Variants in KCNH7 observed in about 807,000 individuals in gnomAD.
The protein encoded by KCNH7 is voltage-gated inwardly rectifying potassium channel KCNH7.
In KCNH7, 49 loss-of-function variants were observed where a neutral mutation model predicts 120.8. The ratio of observed to expected loss-of-function variants is 0.41; its 90% CI spans 0.32 to 0.51. The LOEUF (loss-of-function observed/expected upper bound fraction) is 0.51. Among genes scored for constraint, KCNH7 ranks in the 20% least tolerant of loss-of-function variants. The probability of loss-of-function intolerance (pLI) is 0.38; values close to 1 mark genes in which losing one functional copy is unlikely to be tolerated. For synonymous variants in KCNH7, 547 were observed against 516.1 expected (o/e 1.06, Z -0.81); for missense variants, 1,097 against 1,446.6 (o/e 0.76, Z 3.92).
At chr2:162,726,186 A>C (rs1017280193) in intron 2 of KCNH7, among the ~76,000 whole-genome samples, 1 of 151,844 alleles carries the variant, frequency 6.6e-6, no homozygotes, top group Non-Finnish European at 1.5e-5. Context: ...CTTTCTTTTT[A>C]TATATTTTAA....
At chr2:162,413,950 C>T (rs572524395) in intron 9 of KCNH7, among the ~76,000 whole-genome samples, 1 of 151,556 alleles carries the variant, frequency 6.6e-6, no homozygotes, top group Non-Finnish European at 1.5e-5. Flanking sequence ...GCAAAAAATG[C>T]TACGAATGGG....
chr2:162,578,802 C>T (rs1280204028), intron 2 of KCNH7, among the ~76,000 whole-genome samples: 1 of 151,920 alleles, frequency 6.6e-6, no homozygotes, highest in Non-Finnish European at 1.5e-5. Flanking sequence ...GCATCCTTTG[C>T]TATCATTGGG....
chr2:162,466,357 G>A (rs1203990007), intron 6 of KCNH7, among the ~76,000 whole-genome samples: 4 of 152,178 alleles, frequency 2.6e-5, no homozygotes, highest in Non-Finnish European at 5.9e-5. Flanking sequence ...GGAAGCCTCA[G>A]AAAACTTACA....
At chr2:162,601,218 G>C (rs1694540416) in intron 2 of KCNH7, among the ~76,000 whole-genome samples, 1 of 151,898 alleles carries the variant, frequency 6.6e-6, no homozygotes, top group Admixed American at 6.6e-5. Context: ...CGGGTGGTCA[G>C]TGGTTTATAG....
chr2:162,803,166 T>A (rs1484072949), intron 2 of KCNH7, among the ~76,000 whole-genome samples: 2 of 151,802 alleles, frequency 1.3e-5, no homozygotes, highest in Admixed American at 1.3e-4. Flanking sequence ...CAAAATTATT[T>A]ACTCTAAACT....
Position 162,373,544 on chromosome 2 carries a change from T to G in KCNH7, c.3250A>C (p.Ile1084Leu). 1 of 1,591,614 alleles carries G rather than the reference T, an allele frequency of 6.3e-7. No individual in the cohort carries two copies. The highest frequency in any genetic ancestry group is 8.6e-7 in the Non-Finnish European group (1 of 1,169,032). ...TGACTGGTTCTCATCAGCTGGATGA[T>G]GGGTCTCTGATATTCTGATCCTGCT... ...VTAGSEYQRP[I>L]IQLMRTSQPE... The change falls in exon 15 of 16, where the codon ATC becomes CTC. Residue 1084 changes from isoleucine to leucine, a missense_variant. Ile to Leu is a conservative substitution (Grantham distance 5). Around this residue, in one of 8 missense-constraint regions of KCNH7, gnomAD observed 406 missense variants for 410.5 expected, o/e 0.99. Transcript: ENST00000332142.
intron 2 of KCNH7, among the ~76,000 whole-genome samples, chr2:162,558,465 T>C (rs963312255): frequency 1.4e-5 from 2 of 144,478 alleles, no homozygotes; most frequent in African/African-American, 2.5e-5. Context: ...TGAGCCACCG[T>C]GCCCGGCCAG....
chr2:162,457,143 C>A (rs1428686557), intron 6 of KCNH7, among the ~76,000 whole-genome samples: 1 of 151,966 alleles, frequency 6.6e-6, no homozygotes, highest in African/African-American at 2.4e-5. Context: ...GAAGCACTAA[C>A]AAAGTAAATG....
intron 2 of KCNH7, among the ~76,000 whole-genome samples, chr2:162,791,328 A>G (rs562888444): frequency 2.0e-5 from 3 of 152,086 alleles, no homozygotes; most frequent in Admixed American, 6.6e-5. Context: ...AAGAATGTCA[A>G]TGGTAGTTTA....
intron 2 of KCNH7, among the ~76,000 whole-genome samples, chr2:162,774,850 T>C (rs1683177519): frequency 6.6e-6 from 1 of 152,168 alleles, no homozygotes; most frequent in African/African-American, 2.4e-5. Context: ...AATAATTTTA[T>C]AGGCATCACT....
intron 2 of KCNH7, among the ~76,000 whole-genome samples, chr2:162,819,559 C>T (rs1192958858): frequency 6.6e-6 from 1 of 152,130 alleles, no homozygotes; most frequent in Non-Finnish European, 1.5e-5. Context: ...TAAAATGATA[C>T]TAGTAAATTT....
intron 2 of KCNH7, among the ~76,000 whole-genome samples, chr2:162,825,384 T>C (rs1480119414): frequency 6.6e-6 from 1 of 152,024 alleles, no homozygotes; most frequent in East Asian, 1.9e-4. Flanking sequence ...AAAAATTGAA[T>C]TGGATCACAT....
At chr2:162,542,655 G>A (rs945595714) in intron 2 of KCNH7, among the ~76,000 whole-genome samples, 6 of 151,896 alleles carry the variant, frequency 4.0e-5, no homozygotes, top group Non-Finnish European at 7.4e-5. Flanking sequence ...TGTCATTGTT[G>A]GACATTTGGG....
At chr2:162,509,788 GGA>G (rs1691004752) in intron 5 of KCNH7, among the ~76,000 whole-genome samples, 1 of 151,516 alleles carries the variant, frequency 6.6e-6, no homozygotes, top group African/African-American at 2.4e-5. Flanking sequence ...AGGCTAGAGA[GGA>G]GATAAAAGCT....
intron 2 of KCNH7, among the ~76,000 whole-genome samples, chr2:162,735,856 A>T (rs1409441676): frequency 6.6e-6 from 1 of 152,218 alleles, no homozygotes; most frequent in Non-Finnish European, 1.5e-5. Flanking sequence ...GGGCAAGAAC[A>T]GCCCGTCAAG....
At chr2:162,577,806 A>T (rs1010542717) in intron 2 of KCNH7, among the ~76,000 whole-genome samples, 13 of 152,088 alleles carry the variant, frequency 8.5e-5, no homozygotes, top group Admixed American at 5.9e-4. Context: ...CACTAAGCAC[A>T]GTTTTATTTA....
At chr2:162,390,755 T>C (rs1686721140) in intron 12 of KCNH7, among the ~76,000 whole-genome samples, 1 of 151,530 alleles carries the variant, frequency 6.6e-6, no homozygotes, top group African/African-American at 2.4e-5. Flanking sequence ...AATTTCTACC[T>C]GCACTTACAA....
chr2:162,440,640 G>T (rs1223597414), intron 7 of KCNH7, among the ~76,000 whole-genome samples: 4 of 152,014 alleles, frequency 2.6e-5, no homozygotes, highest in Non-Finnish European at 4.4e-5. Flanking sequence ...TACCTAGATT[G>T]TAATTTATTT....
At chr2:162,539,105 A>G (rs183657685) in intron 2 of KCNH7, among the ~76,000 whole-genome samples, 2 of 152,120 alleles carry the variant, frequency 1.3e-5, no homozygotes, top group East Asian at 1.9e-4. Flanking sequence ...AGCACTTGTC[A>G]TAGTTTCCAT....
Sources: allele counts gnomAD v4.1 joint callset (sites outside exome capture counted in the v4.1 genomes callset), GRCh38; gene constraint gnomAD v4.1.1; regional missense constraint gnomAD v4.1.1; transcripts MANE v1.5; gene names NCBI Gene and HGNC (gene_info 2026-07-23, HGNC 2026-07-21).